Variants in EPB41L3 observed in about 807,000 individuals in gnomAD.
EPB41L3 encodes the protein erythrocyte membrane protein band 4.1 like 3.
EPB41L3 carries 57 observed loss-of-function variants against 127.1 expected under a neutral mutation model. The observed-to-expected ratio is 0.45, with a 90% CI of 0.36 to 0.56. The LOEUF (loss-of-function observed/expected upper bound fraction) is 0.56. EPB41L3 is among the 20% of genes least tolerant of loss of function. The pLI, the probability that EPB41L3 is intolerant of heterozygous loss-of-function variation, is 0.00. For missense variants in EPB41L3, 1,273 were observed against 1,372.2 expected (o/e 0.93, Z 1.14); for synonymous variants, 572 against 549.5 (o/e 1.04, Z -0.57).
At chr18:5,528,681 T>C (rs1426914782) in intron 1 of EPB41L3, among the ~76,000 whole-genome samples, 1 of 152,134 alleles carries the variant, frequency 6.6e-6, no homozygotes. Flanking sequence ...CACCGCAGCC[T>C]AGGCCTCCCA....
At chr18:5,444,698 A>T (rs1360976695) in intron 4 of EPB41L3, among the ~76,000 whole-genome samples, 1 of 152,228 alleles carries the variant, frequency 6.6e-6, no homozygotes, top group Non-Finnish European at 1.5e-5. Flanking sequence ...GAAAAATAGG[A>T]CAGCAGCAAT....
intron 3 of EPB41L3, among the ~76,000 whole-genome samples, chr18:5,570,465 T>C (rs925508789): frequency 6.6e-6 from 1 of 152,208 alleles, no homozygotes; most frequent in Admixed American, 6.5e-5. Flanking sequence ...GCAATGGCTG[T>C]CTTGGGTACT....
chr18:5,578,729 A>T (rs2094361613), intron 3 of EPB41L3, among the ~76,000 whole-genome samples: 1 of 152,210 alleles, frequency 6.6e-6, no homozygotes, highest in African/African-American at 2.4e-5. Context: ...AAAGAGCCTC[A>T]ATTTTATACC....
intron 1 of EPB41L3, among the ~76,000 whole-genome samples, chr18:5,506,011 T>A (rs2092167947): frequency 6.7e-6 from 1 of 150,374 alleles, no homozygotes; most frequent in South Asian, 2.1e-4. Context: ...TAGCCGTAAC[T>A]TCACCTCCAC....
chr18:5,609,881 A>G (rs938962428), intron 3 of EPB41L3, among the ~76,000 whole-genome samples: 19 of 152,202 alleles, frequency 1.2e-4, no homozygotes, highest in African/African-American at 4.1e-4. Context: ...AAAAAAAACA[A>G]CAGCTAAAGT....
At chr18:5,459,279 A>G (rs1476438615) in intron 3 of EPB41L3, among the ~76,000 whole-genome samples, 2 of 152,104 alleles carry the variant, frequency 1.3e-5, no homozygotes, top group Non-Finnish European at 2.9e-5. Flanking sequence ...AAAGAAACCA[A>G]CGAATATATA....
rs1454538497 is a variant in EPB41L3 at position 5,449,096 on chromosome 18, T to C, written c.382-3852A>G. On this transcript the variant is annotated intron_variant, in intron 3 of 22. Coordinates refer to ENST00000341928, the MANE Select transcript of EPB41L3 (RefSeq NM_012307.5). ...AAATATTTGCAAAACACGTATCTGA[T>C]AAAGAACTGGTACCCAAGATATACA... Among the ~76,000 whole-genome samples the C allele has an allele frequency of 3.3e-5, 5 of 152,142 alleles. No homozygotes were observed. In the East Asian group the frequency reaches 7.7e-4, roughly 23 times the overall value.
At chr18:5,425,290 G>GGAA (rs1207945852) in intron 9 of EPB41L3, among the ~76,000 whole-genome samples, 1 of 152,120 alleles carries the variant, frequency 6.6e-6, no homozygotes, top group African/African-American at 2.4e-5. Context: ...GATGATTAGG[G>GGAA]GAAGTGGGAA....
At position 5,561,202 on chromosome 18, in the gene EPB41L3, C is replaced by T. The variant is rs573822640; in HGVS notation, c.-306+51138G>A. Among the ~76,000 whole-genome samples, 9 of 152,112 alleles carry T rather than the reference C, an allele frequency of 5.9e-5. No individual in the cohort carries two copies. The East Asian group carries it at 1.7e-3, about 29-fold the overall frequency. On this transcript the variant is annotated intron_variant, in intron 3 of 21. Transcript: ENST00000545076. ...CCGTATTAGCCAGGATGGTCAAGAT[C>T]TCCTGACCTCGTGATCCGCCCGCCT...
At chr18:5,441,530 A>G (rs1168035932) in intron 5 of EPB41L3, among the ~76,000 whole-genome samples, 2 of 148,834 alleles carry the variant, frequency 1.3e-5, no homozygotes, top group Non-Finnish European at 2.9e-5. Context: ...CAGTGGCGCG[A>G]TCTCGACTCA....
At chr18:5,503,167 C>A (rs1309876811) in intron 1 of EPB41L3, among the ~76,000 whole-genome samples, 1 of 152,080 alleles carries the variant, frequency 6.6e-6, no homozygotes, top group Non-Finnish European at 1.5e-5. Flanking sequence ...TTAAAATACT[C>A]TTTTGGCTAG....
chr18:5,567,136 G>C (rs180742234), intron 3 of EPB41L3: 1 of 152,258 alleles, frequency 6.6e-6, no homozygotes, highest in Admixed American at 6.5e-5. Flanking sequence ...TCAGCTTCTG[G>C]ATCCTCACAC....
chr18:5,403,497 A>G (rs2074847665), intron 16 of EPB41L3, among the ~76,000 whole-genome samples: 1 of 151,976 alleles, frequency 6.6e-6, no homozygotes, highest in Non-Finnish European at 1.5e-5. Flanking sequence ...TTTAACTACT[A>G]TAGATACAAC....
intron 1 of EPB41L3, among the ~76,000 whole-genome samples, chr18:5,524,797 A>G (rs564059826): frequency 6.6e-6 from 1 of 152,184 alleles, no homozygotes; most frequent in South Asian, 2.1e-4. Flanking sequence ...TCACATGCAA[A>G]AGGGAATGCA....
At chr18:5,622,563 T>C (rs934929596) in intron 1 of EPB41L3, among the ~76,000 whole-genome samples, 48 of 152,252 alleles carry the variant, frequency 3.2e-4, no homozygotes, top group Admixed American at 2.9e-3. Context: ...TTCTGCTCTT[T>C]AGGGTTTGCA....
intron 1 of EPB41L3, among the ~76,000 whole-genome samples, chr18:5,622,992 T>TAACTAAA (rs1246045289): frequency 1.0e-4 from 12 of 119,458 alleles, no homozygotes; most frequent in African/African-American, 4.0e-4. Flanking sequence ...ATCAGACCAG[T>TAACTAAA]AACTAAAATA....
intron 1 of EPB41L3, among the ~76,000 whole-genome samples, chr18:5,497,012 C>T (rs2091250044): frequency 6.6e-6 from 1 of 152,130 alleles, no homozygotes; most frequent in African/African-American, 2.4e-5. Flanking sequence ...AAGGCTTCTC[C>T]AAGAAGGAAA....
chr18:5,598,811 T>C (rs2094561350), intron 3 of EPB41L3, among the ~76,000 whole-genome samples: 1 of 152,192 alleles, frequency 6.6e-6, no homozygotes, highest in South Asian at 2.1e-4. Flanking sequence ...GAGTATACCA[T>C]GTATGTGGCC....
At chr18:5,569,742 T>C (rs1052834675) in intron 3 of EPB41L3, among the ~76,000 whole-genome samples, 1 of 152,222 alleles carries the variant, frequency 6.6e-6, no homozygotes, top group Admixed American at 6.5e-5. Context: ...GAATTCATAA[T>C]ATATTTCTCC....
Sources: gnomAD v4.1 joint callset for allele counts (sites outside exome capture counted in the v4.1 genomes callset) on GRCh38, gnomAD v4.1.1 for gene constraint, MANE v1.5 for transcripts, NCBI Gene and HGNC (gene_info 2026-07-23, HGNC 2026-07-21) for gene names.